The following FHIT variants were observed in gnomAD, a reference collection of about 807,000 sequenced individuals.
FHIT encodes fragile histidine triad diadenosine triphosphatase.
FHIT carries 19 observed loss-of-function variants against 17.9 expected under a neutral mutation model. The ratio of observed to expected loss-of-function variants is 1.06; its 90% CI spans 0.74 to 1.56. The LOEUF is 1.56. Among genes scored for constraint, FHIT ranks in the 40% most tolerant of loss-of-function variants. The pLI is 0.00. For synonymous variants in FHIT, 81 were observed against 69.7 expected, an observed-to-expected ratio of 1.16 and a Z score of -0.81; for missense variants, 248 against 189.2, an observed-to-expected ratio of 1.31 and a Z score of -1.82.
chr3:60,569,736 TATATATATATATATATATA>T (rs1283836107), intron 4 of FHIT, among the ~76,000 whole-genome samples: 1 of 46,278 alleles, frequency 2.2e-5, no homozygotes, highest in Non-Finnish European at 4.3e-5. Context: ...TATATATATA[TATATATATATATATATATA>T]TTTTTTTTTT....
intron 5 of FHIT, among the ~76,000 whole-genome samples, chr3:60,370,709 C>T (rs1419192130): frequency 1.3e-5 from 2 of 152,106 alleles, no homozygotes; most frequent in East Asian, 3.9e-4. Flanking sequence ...AAGTTTGTCC[C>T]TCTGTTTCCA....
chr3:59,892,995 C>T (rs1473931779), intron 8 of FHIT, among the ~76,000 whole-genome samples: 1 of 152,186 alleles, frequency 6.6e-6, no homozygotes. Context: ...CTGAATTACT[C>T]ATAGACACAG....
At chr3:60,159,633 C>T (rs909268310) in intron 5 of FHIT, among the ~76,000 whole-genome samples, 2 of 152,188 alleles carry the variant, frequency 1.3e-5, no homozygotes, top group African/African-American at 4.8e-5. Flanking sequence ...TTTCCACACA[C>T]CAGGCATTGC....
intron 2 of FHIT, among the ~76,000 whole-genome samples, chr3:61,139,825 G>A (rs147094782): frequency 9.2e-5 from 14 of 152,048 alleles, no homozygotes; most frequent in Non-Finnish European, 1.9e-4. Flanking sequence ...AATTTGAATA[G>A]CAAGAGCGGT....
rs150171269 is a variant in FHIT at position 59,824,054 on chromosome 3, A to C, written c.349-71733T>G. Among the ~76,000 whole-genome samples, 734 of 152,210 alleles carry C rather than the reference A, an allele frequency of 4.8e-3. 2 individuals carry two copies. Among genetic ancestry groups the C allele is most frequent in the African/African-American group, 0.016 (681 of 41,442 alleles). On this transcript the variant is annotated intron_variant, in intron 8 of 9. Transcript: ENST00000492590. ...AGTAGCTCTGCTATACACTGACAGC[A>C]ACCTAGTTGAGAATCAAATCAAGAG... is the stretch of plus-strand genomic sequence containing the variant.
At chr3:60,509,797 A>C (rs1210108716) in intron 5 of FHIT, among the ~76,000 whole-genome samples, 1 of 152,190 alleles carries the variant, frequency 6.6e-6, no homozygotes, top group Non-Finnish European at 1.5e-5. Flanking sequence ...ACTACCCAAT[A>C]AGTCTCTTTA....
At chr3:59,986,538 T>TACAC (rs1427707266) in intron 7 of FHIT, among the ~76,000 whole-genome samples, 32 of 11,380 alleles carry the variant, frequency 2.8e-3, no homozygotes, top group African/African-American at 0.014. Context: ...TATATATATA[T>TACAC]ATACACACAC....
intron 5 of FHIT, among the ~76,000 whole-genome samples, chr3:60,171,679 A>G (rs2107404965): frequency 6.6e-6 from 1 of 152,176 alleles, no homozygotes; most frequent in African/African-American, 2.4e-5. Flanking sequence ...TTCATTCCAC[A>G]TTCATGCATT....
At chr3:60,402,079 C>T (rs1701679508) in intron 5 of FHIT, among the ~76,000 whole-genome samples, 1 of 152,116 alleles carries the variant, frequency 6.6e-6, no homozygotes, top group Non-Finnish European at 1.5e-5. Flanking sequence ...TATTGTTTCC[C>T]CCATCCCTGC....
Position 60,860,787 on chromosome 3 carries a change from T to A in FHIT, c.-110-38776A>T. Reference sequence around the variant, plus strand: ...ATACATATGTATCATATATCAGGTATATATGATACATATGTACATATATAT... The same window carrying A: ...ATACATATGTATCATATATCAGGTAAATATGATACATATGTACATATATAT... On this transcript the variant is annotated intron_variant, in intron 3 of 9. Transcript: ENST00000492590. Among the ~76,000 whole-genome samples the A allele has an allele frequency of 1.1e-4, 2 of 17,794 alleles. 1 individual carries two copies. Among genetic ancestry groups the A allele is most frequent in the Non-Finnish European group, 2.0e-4 (2 of 9,830 alleles). 11.7% of individuals were successfully genotyped at this position (17,794 alleles called of 152,430 possible).
intron 2 of FHIT, among the ~76,000 whole-genome samples, chr3:61,042,658 G>A (rs553313644): frequency 1.3e-5 from 2 of 152,128 alleles, no homozygotes; most frequent in South Asian, 4.2e-4. Flanking sequence ...GGCCAACATG[G>A]TGAAACCCTG....
chr3:60,710,038 C>G (rs1218990729), intron 4 of FHIT, among the ~76,000 whole-genome samples: 3 of 137,562 alleles, frequency 2.2e-5, no homozygotes, highest in Non-Finnish European at 4.6e-5. Context: ...AGCAGCAGTT[C>G]TTTCTGCATA....
chr3:60,647,616 G>A (rs1196586966), intron 4 of FHIT, among the ~76,000 whole-genome samples: 3 of 151,970 alleles, frequency 2.0e-5, no homozygotes, highest in African/African-American at 4.8e-5. Context: ...AAATAACAAG[G>A]GCTTGCCAAA....
At chr3:60,770,184 T>C (rs1378832856) in intron 4 of FHIT, among the ~76,000 whole-genome samples, 1 of 152,040 alleles carries the variant, frequency 6.6e-6, no homozygotes, top group Non-Finnish European at 1.5e-5. Flanking sequence ...GTTTCCTGGA[T>C]AGAATTACTG....
At chr3:61,020,259 A>T (rs1400304647) in intron 3 of FHIT, among the ~76,000 whole-genome samples, 1 of 152,128 alleles carries the variant, frequency 6.6e-6, no homozygotes, top group Non-Finnish European at 1.5e-5. Context: ...ATCTCATTGT[A>T]GTTCTGATTT....
chr3:60,794,976 C>T (rs753181074), intron 4 of FHIT, among the ~76,000 whole-genome samples: 4 of 152,150 alleles, frequency 2.6e-5, no homozygotes, highest in Non-Finnish European at 5.9e-5. Flanking sequence ...CTGCCTAGTC[C>T]CTTCCCCCAG....
chr3:60,031,374 A>G (rs1700993369), intron 5 of FHIT, among the ~76,000 whole-genome samples: 1 of 152,152 alleles, frequency 6.6e-6, no homozygotes, highest in African/African-American at 2.4e-5. Flanking sequence ...CTTTGACTAT[A>G]GCATTGCAAA....
chr3:59,895,799 G>A (rs552152467), intron 8 of FHIT, among the ~76,000 whole-genome samples: 2 of 152,184 alleles, frequency 1.3e-5, no homozygotes, highest in Non-Finnish European at 2.9e-5. Context: ...TCCCTCTTGT[G>A]TTTAAAACTT....
At chr3:60,341,580 T>G (rs1282511552) in intron 5 of FHIT, among the ~76,000 whole-genome samples, 1 of 152,210 alleles carries the variant, frequency 6.6e-6, no homozygotes, top group East Asian at 1.9e-4. Context: ...GGTTGCTTTT[T>G]CCTGCTCTCC....
Sources: allele counts gnomAD v4.1 joint callset (sites outside exome capture counted in the v4.1 genomes callset), GRCh38; gene constraint gnomAD v4.1.1; transcripts MANE v1.5; gene names NCBI Gene and HGNC (gene_info 2026-07-23, HGNC 2026-07-21).